Variants in DSTYK observed in about 807,000 individuals in gnomAD.
DSTYK encodes the protein dual serine/threonine and tyrosine protein kinase, also known as RIP-homologous kinase.
Under a neutral mutation model 98.7 loss-of-function variants are expected in DSTYK, and 34 were observed. The observed-to-expected ratio is 0.34, with a 90% CI of 0.26 to 0.46. The LOEUF (loss-of-function observed/expected upper bound fraction) is 0.46. Among genes scored for constraint, DSTYK ranks in the 20% least tolerant of loss-of-function variants. The pLI is 1.00. For missense variants in DSTYK, 962 were observed against 1,181.7 expected (o/e 0.81, Z 2.73); for synonymous variants, 462 against 457.3 (o/e 1.01, Z -0.13).
intron 2 of DSTYK, among the ~76,000 whole-genome samples, chr1:205,172,324 A>G (rs1172427672): frequency 6.7e-6 from 1 of 149,658 alleles, no homozygotes; most frequent in African/African-American, 2.5e-5. Context: ...TTCTGAGACA[A>G]GGTCTTGTGC....
At chr1:205,176,502 A>T (rs896630813) in intron 2 of DSTYK, among the ~76,000 whole-genome samples, 1 of 150,770 alleles carries the variant, frequency 6.6e-6, no homozygotes, top group African/African-American at 2.4e-5. Flanking sequence ...AAAAAAAAAA[A>T]AAAAAAAGAA....
At position 205,148,292 on chromosome 1, in the gene DSTYK, A is replaced by G; in HGVS notation, c.2515T>C (p.Trp839Arg). The change falls in exon 12 of 13, where the codon TGG becomes CGG. Residue 839 changes from tryptophan to arginine, a missense_variant. This residue lies in a region of DSTYK where 69 missense variants were observed against 142.9 expected (regional missense o/e 0.48). Transcript: ENST00000367162. ...TTGACAGAGCCTGAGCAGATATACC[A>G]GAAAAGAATTCCAAAAGCGTAGACA... ...VDVYAFGILF[W>R]YICSGSVKLP... 1 of 1,614,172 alleles carries G rather than the reference A, an allele frequency of 6.2e-7. No homozygotes were observed. The highest frequency in any genetic ancestry group is 8.5e-7 in the Non-Finnish European group (1 of 1,179,996).
intron 2 of DSTYK, among the ~76,000 whole-genome samples, chr1:205,183,007 C>G (rs570901123): frequency 2.0e-5 from 3 of 151,362 alleles, no homozygotes; most frequent in African/African-American, 7.3e-5. Context: ...TCCCATCTTA[C>G]GCTGAGCAAG....
Position 205,211,554 on chromosome 1 carries a change from C to A in DSTYK, c.-19G>T. On this transcript the variant is annotated 5_prime_UTR_variant, in exon 1 of 13. Transcript: ENST00000367162. ...CCTCCATCGCCTCTGCCCGCTCTGT[C>A]TTTGCGGCTCGGTCCCCGGCCGCAG... 2.0e-6 allele frequency: 3 copies of A among 1,467,650 alleles called. No homozygotes were observed. Among genetic ancestry groups the A allele is most frequent in the Non-Finnish European group, 2.7e-6 (3 of 1,117,338 alleles). 90.9% of individuals were successfully genotyped at this position (1,467,650 alleles called of 1,614,324 possible).
In DSTYK at chr1:205,211,688, C is replaced by G. The variant is rs552718928; in HGVS notation, c.-153G>C. ...CTCCCAACCTCCGTCACTGCCGTTG[C>G]AAACAAACCAAACCGCAGTGCGCCG... On this transcript the variant is annotated 5_prime_UTR_variant, in exon 1 of 13. Coordinates refer to ENST00000367162, the MANE Select transcript of DSTYK (RefSeq NM_015375.3). The G allele has an allele frequency of 2.0e-5, 20 of 1,012,388 alleles. No individual in the cohort carries two copies. In the African/African-American group the frequency reaches 3.1e-4, roughly 16 times the overall value. The allele number at this position is 1,012,388 out of a possible 1,614,324, so 62.7% of individuals were successfully genotyped here.
chr1:205,200,870 T>G (rs901985877), intron 1 of DSTYK, among the ~76,000 whole-genome samples: 1 of 152,152 alleles, frequency 6.6e-6, no homozygotes, highest in Non-Finnish European at 1.5e-5. Context: ...ACCTACTACT[T>G]GATAGCACAA....
At chr1:205,171,031 A>G (rs1296921697) in intron 2 of DSTYK, among the ~76,000 whole-genome samples, 1 of 42,496 alleles carries the variant, frequency 2.4e-5, no homozygotes, top group Non-Finnish European at 1.2e-4. Context: ...TCATGTAAGG[A>G]AAAAAAAAAA....
chr1:205,191,937 C>A (rs184171538), intron 1 of DSTYK, among the ~76,000 whole-genome samples: 18 of 152,134 alleles, frequency 1.2e-4, no homozygotes, highest in African/African-American at 4.3e-4. Flanking sequence ...CTCACATTAA[C>A]CCTGCCAACT....
At chr1:205,201,405 C>CAA (rs67120994) in intron 1 of DSTYK, among the ~76,000 whole-genome samples, 27,618 of 95,170 alleles carry the variant, frequency 0.29, 4,391 homozygotes, top group East Asian at 0.5. Flanking sequence ...TTTTTTAATG[C>CAA]AAAAAAAAAA....
intron 2 of DSTYK, among the ~76,000 whole-genome samples, chr1:205,172,070 C>T (rs1262417453): frequency 6.6e-6 from 1 of 152,128 alleles, no homozygotes; most frequent in Non-Finnish European, 1.5e-5. Flanking sequence ...AATTCTCCTG[C>T]CTCAGCCTCC....
rs201437284 is a variant in DSTYK at position 205,148,903 on chromosome 1, GT to G, written c.2468-565del. ...AATAACAGCAGTGGAATTAGAAAGT[GT>G]TTTTTTTTTTTTTTTGAGATGGAGT... On this transcript the variant is annotated intron_variant, in intron 11 of 12. Coordinates refer to ENST00000367162, the MANE Select transcript of DSTYK (RefSeq NM_015375.3). Among the ~76,000 whole-genome samples the G allele has an allele frequency of 1.9e-3, 260 of 135,678 alleles. 1 individual carries two copies. Among genetic ancestry groups the G allele is most frequent in the Middle Eastern group, 3.8e-3 (1 of 266 alleles). The allele number at this position is 135,678 out of a possible 152,430, so 89.0% of individuals were successfully genotyped here.
chr1:205,149,061 C>T (rs764417310), intron 11 of DSTYK, among the ~76,000 whole-genome samples: 3 of 151,972 alleles, frequency 2.0e-5, no homozygotes, highest in Non-Finnish European at 4.4e-5. Flanking sequence ...TGCCACCACG[C>T]CCGGCCTATT....
At chr1:205,171,479 C>CTTTGAGG (rs58387175) in intron 2 of DSTYK, among the ~76,000 whole-genome samples, 70,564 of 144,228 alleles carry the variant, frequency 0.49, 19,980 homozygotes, top group Non-Finnish European at 0.63. Context: ...AAAAAAAGAT[C>CTTTGAGG]TTTGAGGTTT....
chr1:205,160,658 C>G (rs558730456), intron 7 of DSTYK, among the ~76,000 whole-genome samples: 11 of 152,050 alleles, frequency 7.2e-5, no homozygotes, highest in Non-Finnish European at 1.6e-4. Context: ...CATTGTGAAC[C>G]TGCCTTTAGG....
intron 2 of DSTYK, among the ~76,000 whole-genome samples, chr1:205,177,921 C>T (rs1019666617): frequency 1.3e-5 from 2 of 151,882 alleles, no homozygotes; most frequent in Non-Finnish European, 2.9e-5. Flanking sequence ...CATATACTTT[C>T]CAAGGGGGAG....
chr1:205,155,478 G>A (rs1222229605), intron 10 of DSTYK, among the ~76,000 whole-genome samples: 2 of 151,686 alleles, frequency 1.3e-5, no homozygotes, highest in African/African-American at 2.4e-5. Context: ...AGACCAGCCT[G>A]GCCAACATGG....
intron 1 of DSTYK, among the ~76,000 whole-genome samples, chr1:205,206,599 T>TA (rs1659210597): frequency 6.9e-6 from 1 of 143,946 alleles, no homozygotes; most frequent in African/African-American, 2.6e-5. Context: ...TTTTTTTTTT[T>TA]AAAGACAGAG....
At chr1:205,158,015 G>A (rs961834893) in intron 9 of DSTYK, among the ~76,000 whole-genome samples, 1 of 152,076 alleles carries the variant, frequency 6.6e-6, no homozygotes, top group African/African-American at 2.4e-5. Flanking sequence ...GGTCCCTCAG[G>A]AAGATTTATT....
At chr1:205,198,124 T>C (rs181869266) in intron 1 of DSTYK, among the ~76,000 whole-genome samples, 84 of 151,162 alleles carry the variant, frequency 5.6e-4, no homozygotes, top group African/African-American at 1.9e-3. Flanking sequence ...ACCCGGGAGG[T>C]GGAGGCTGCG....
Sources: allele counts gnomAD v4.1 joint callset (sites outside exome capture counted in the v4.1 genomes callset), GRCh38; gene constraint gnomAD v4.1.1; regional missense constraint gnomAD v4.1.1; transcripts MANE v1.5; gene names NCBI Gene and HGNC (gene_info 2026-07-23, HGNC 2026-07-21).